The following ENKUR variants were observed in gnomAD, a reference collection of about 807,000 sequenced individuals.
The protein encoded by ENKUR is enkurin, TRPC channel interacting protein, also known as enkurin.
A neutral mutation model predicts 27.6 loss-of-function variants in ENKUR; 19 were observed. That is an observed-to-expected ratio of 0.69 (90% CI 0.48 to 1.01). The LOEUF is 1.01. ENKUR is among the 50% of genes least tolerant of loss of function. The pLI, the probability that ENKUR is intolerant of heterozygous loss-of-function variation, is 0.00. For missense variants in ENKUR, 312 were observed against 310.5 expected (o/e 1.00, Z -0.04); for synonymous variants, 117 against 96.9 (o/e 1.21, Z -1.22).
intron 2 of ENKUR, among the ~76,000 whole-genome samples, chr10:25,028,822 C>A (rs1249429249): frequency 6.6e-6 from 1 of 152,200 alleles, no homozygotes; most frequent in Non-Finnish European, 1.5e-5. Context: ...ATTAGATTCG[C>A]TTTCTTCCTC....
intron 2 of ENKUR, chr10:25,024,410 A>ATGATAAGCAAAGGATAGCTGTGGTTGC: frequency 1.2e-6 from 2 of 1,613,968 alleles, no homozygotes; most frequent in Non-Finnish European, 1.7e-6. Flanking sequence ...CTAAATAAGA[A>ATGATAAGCAAAGGATAGCTGTGGTTGC]TGATAAGCAA....
intron 1 of ENKUR, among the ~76,000 whole-genome samples, chr10:25,006,377 A>G (rs1289914075): frequency 6.6e-6 from 1 of 152,186 alleles, no homozygotes; most frequent in Non-Finnish European, 1.5e-5. Context: ...GTGGCAGCAC[A>G]CCGAGAACAT....
upstream of ENKUR, among the ~76,000 whole-genome samples, chr10:25,017,259 T>C (rs947075602): frequency 3.9e-5 from 6 of 152,222 alleles, no homozygotes; most frequent in Non-Finnish European, 8.8e-5. Flanking sequence ...TTTTATTCCT[T>C]TTTGTTCCAC....
intron 2 of ENKUR, among the ~76,000 whole-genome samples, chr10:25,042,095 G>A (rs995017965): frequency 1.3e-5 from 2 of 151,888 alleles, no homozygotes; most frequent in Non-Finnish European, 2.9e-5. Flanking sequence ...AGAAAGCCCT[G>A]GTTATTAGGA....
At chr10:25,037,348 G>T (rs1851019744) in intron 2 of ENKUR, among the ~76,000 whole-genome samples, 1 of 152,152 alleles carries the variant, frequency 6.6e-6, no homozygotes, top group South Asian at 2.1e-4. Context: ...GCAGGTTCAA[G>T]AAATATTTAA....
At chr10:25,050,784 A>G (rs1851179904) in intron 2 of ENKUR, among the ~76,000 whole-genome samples, 1 of 152,200 alleles carries the variant, frequency 6.6e-6, no homozygotes, top group Non-Finnish European at 1.5e-5. Flanking sequence ...TGTCAAAAAG[A>G]ACAAGGGAAT....
chr10:25,048,832 C>A (rs1277564577), intron 2 of ENKUR, among the ~76,000 whole-genome samples: 1 of 150,468 alleles, frequency 6.6e-6, no homozygotes, highest in Non-Finnish European at 1.5e-5. Context: ...ATCTTTACCC[C>A]AGCGATTTGG....
At chr10:25,061,152 C>T (rs1851321923) in exon 2 of ENKUR, 2 of 1,535,994 alleles carry the variant, frequency 1.3e-6, no homozygotes, top group East Asian at 2.4e-5. Context: ...TCTTCATGCT[C>T]CGTGGTGAAC....
At chr10:25,002,357 G>A (rs531459259) in intron 1 of ENKUR, among the ~76,000 whole-genome samples, 14 of 152,284 alleles carry the variant, frequency 9.2e-5, no homozygotes, top group East Asian at 1.9e-4. Context: ...CTGGTACTCT[G>A]TGCTGTGAAT....
chr10:24,997,366 AC>A (rs1850086341), intron 2 of ENKUR, among the ~76,000 whole-genome samples: 1 of 147,392 alleles, frequency 6.8e-6, no homozygotes, highest in Non-Finnish European at 1.5e-5. Context: ...CTTTTGCAAA[AC>A]CCTGCATTCC....
intron 1 of ENKUR, among the ~76,000 whole-genome samples, chr10:25,013,099 G>T (rs1183059388): frequency 6.6e-6 from 1 of 152,190 alleles, no homozygotes; most frequent in African/African-American, 2.4e-5. Context: ...CTGCCACCAT[G>T]TAAGATGTGA....
upstream of ENKUR, chr10:25,016,258 G>T: frequency 2.2e-6 from 2 of 901,806 alleles, no homozygotes; most frequent in Non-Finnish European, 2.7e-6. Context: ...CCTTCTGCTA[G>T]AGAAGCTCAT....
intron 2 of ENKUR, chr10:25,023,966 C>A (rs34929144): frequency 0.041 from 65,893 of 1,614,106 alleles, 1,599 homozygotes; most frequent in South Asian, 0.075. Context: ...AAGGTTTCAG[C>A]AAAATTCTTT....
In ENKUR at chr10:25,016,022, C is replaced by G. The variant is rs958456852; in HGVS notation, c.-86G>C. 2 of 1,521,522 alleles carry G rather than the reference C, an allele frequency of 1.3e-6. No individual in the cohort carries two copies. Among genetic ancestry groups the G allele is most frequent in the African/African-American group, 1.4e-5 (1 of 71,938 alleles). 94.3% of individuals were successfully genotyped at this position (1,521,522 alleles called of 1,614,324 possible). On this transcript the variant is annotated 5_prime_UTR_variant, in exon 1 of 6. Coordinates refer to ENST00000331161, the MANE Select transcript of ENKUR (RefSeq NM_145010.4). ...CTCCGTCCCTTTCTTCACTGCTTCC[C>G]CTTTCTTTCTTCTTCGCCTTCTGAA... is the stretch of plus-strand genomic sequence containing the variant.
chr10:25,021,981 AAGTC>A (rs1262482345), intron 2 of ENKUR: 4 of 152,188 alleles, frequency 2.6e-5, no homozygotes, highest in Non-Finnish European at 5.9e-5. Context: ...GTAGCATAGA[AAGTC>A]AGTATTACAT....
chr10:25,023,591 C>T lies in ENKUR; in HGVS notation c.38-27722G>A, dbSNP rs757897118. 6 of 1,614,114 alleles carry T rather than the reference C, an allele frequency of 3.7e-6. No homozygotes were observed. The Admixed American group carries it at 1.0e-4, about 27-fold the overall frequency. ...GAAGGAAAAGCTGTGTTAAACTTCT[C>T]TGCATCTGGAAGTGTGATTTCCCTT... On this transcript the variant is annotated intron_variant, in intron 2 of 5. Transcript: ENST00000615958.
intron 2 of ENKUR, among the ~76,000 whole-genome samples, chr10:25,059,132 C>CTT (rs759162602): frequency 3.9e-4 from 47 of 120,532 alleles, no homozygotes; most frequent in Non-Finnish European, 5.1e-4. Context: ...CTTTTTCTTT[C>CTT]TTTTTTTTTT....
At chr10:25,031,223 C>T (rs1444881653) in intron 2 of ENKUR, among the ~76,000 whole-genome samples, 1 of 152,226 alleles carries the variant, frequency 6.6e-6, no homozygotes, top group Non-Finnish European at 1.5e-5. Context: ...GTTCCCTTTC[C>T]TTGAATCTGG....
intron 2 of ENKUR, among the ~76,000 whole-genome samples, chr10:25,038,511 T>C (rs1386237634): frequency 1.3e-5 from 2 of 152,226 alleles, no homozygotes; most frequent in Non-Finnish European, 2.9e-5. Context: ...TCTATAAAAT[T>C]GATATATGCC....
Sources: gnomAD v4.1 joint callset for allele counts (sites outside exome capture counted in the v4.1 genomes callset) on GRCh38, gnomAD v4.1.1 for gene constraint, MANE v1.5 for transcripts, NCBI Gene and HGNC (gene_info 2026-07-23, HGNC 2026-07-21) for gene names.